The following PSPC1 variants were observed in gnomAD, a reference collection of about 807,000 sequenced individuals.
PSPC1 encodes the protein paraspeckle protein 1.
In PSPC1, 14 loss-of-function variants were observed where a neutral mutation model predicts 51.6. The ratio of observed to expected loss-of-function variants is 0.27; its 90% CI spans 0.18 to 0.42. The LOEUF is 0.42. PSPC1 is among the 10% of genes least tolerant of loss of function. PSPC1 has a pLI of 1.00. For synonymous variants in PSPC1, 193 were observed against 231.9 expected (o/e 0.83, Z 1.53); for missense variants, 406 against 701.1 (o/e 0.58, Z 4.75).
chr13:19,735,891 T>C (rs918333474), intron 5 of PSPC1, among the ~76,000 whole-genome samples: 3 of 150,904 alleles, frequency 2.0e-5, no homozygotes, highest in African/African-American at 7.4e-5. Context: ...GCGCCATCTC[T>C]GCTCACTGCA....
chr13:19,776,235 G>A (rs938690201), intron 1 of PSPC1, among the ~76,000 whole-genome samples: 4 of 152,048 alleles, frequency 2.6e-5, no homozygotes, highest in African/African-American at 9.7e-5. Flanking sequence ...CTGAGGAGGA[G>A]GGATCATGTA....
chr13:19,680,378 C>T (rs1414223769), intron 6 of PSPC1, among the ~76,000 whole-genome samples: 1 of 152,092 alleles, frequency 6.6e-6, no homozygotes, highest in Non-Finnish European at 1.5e-5. Context: ...TGAAAAATTA[C>T]TAGAGTTCTG....
At position 19,760,804 on chromosome 13, in the gene PSPC1, T is replaced by C. The variant is rs367571922; in HGVS notation, c.675-1386A>G. Reference sequence around the variant, plus strand: ...GAGTTTGAGACCAGCCTGACCAACATGGTGAAACCTCGTCTCTACTAAAAA... The same window carrying C: ...GAGTTTGAGACCAGCCTGACCAACACGGTGAAACCTCGTCTCTACTAAAAA... On this transcript the variant is annotated intron_variant, in intron 2 of 8. Coordinates refer to ENST00000338910, the MANE Select transcript of PSPC1 (RefSeq NM_001354909.2). Among the ~76,000 whole-genome samples the C allele has an allele frequency of 4.0e-5, 6 of 150,978 alleles. No homozygotes were observed. The East Asian group carries it at 5.9e-4, about 15-fold the overall frequency.
chr13:19,741,738 A>T (rs1401367493), intron 4 of PSPC1, 89 bp from the exon 5 acceptor site: 1 of 707,072 alleles, frequency 1.4e-6, no homozygotes, highest in Non-Finnish European at 2.4e-6. Context: ...ATCACTGGCA[A>T]TATATTGGTA....
intron 2 of PSPC1, among the ~76,000 whole-genome samples, chr13:19,764,439 C>T (rs140744239): frequency 5.9e-5 from 9 of 151,970 alleles, no homozygotes; most frequent in Admixed American, 1.3e-4. Context: ...ACATCAACTA[C>T]GTATTTGTGA....
chr13:19,693,275 C>T (rs1878782672), intron 6 of PSPC1, among the ~76,000 whole-genome samples: 2 of 152,156 alleles, frequency 1.3e-5, no homozygotes, highest in South Asian at 4.1e-4. Flanking sequence ...TCCCAGTCTC[C>T]GCAAAGTAAA....
At chr13:19,773,407 G>A (rs962553825) in intron 1 of PSPC1, among the ~76,000 whole-genome samples, 4 of 151,404 alleles carry the variant, frequency 2.6e-5, no homozygotes, top group South Asian at 2.1e-4. Flanking sequence ...CCGCTACCAC[G>A]CCCAGCTAAT....
intron 6 of PSPC1, among the ~76,000 whole-genome samples, chr13:19,720,400 A>T (rs937757055): frequency 1.3e-5 from 2 of 152,238 alleles, no homozygotes; most frequent in African/African-American, 4.8e-5. Flanking sequence ...GAAAAGAGGA[A>T]AACAAGGCAT....
chr13:19,730,413 G>C, intron 5 of PSPC1, 69 bp from the exon 6 acceptor site: 1 of 1,378,862 alleles, frequency 7.3e-7, no homozygotes, highest in Non-Finnish European at 1.0e-6. Flanking sequence ...TTTACTTCAT[G>C]TAAAATGAAA....
chr13:19,729,008 T>C (rs1192815867), intron 6 of PSPC1, among the ~76,000 whole-genome samples: 1 of 152,168 alleles, frequency 6.6e-6, no homozygotes, highest in Non-Finnish European at 1.5e-5. Context: ...TATTCTTCTT[T>C]CTTTTGCAAT....
intron 7 of PSPC1, among the ~76,000 whole-genome samples, chr13:19,708,616 C>T (rs1881003924): frequency 6.6e-6 from 1 of 152,138 alleles, no homozygotes; most frequent in African/African-American, 2.4e-5. Context: ...TTCTTAAAAG[C>T]TTAGTCAACT....
intron 6 of PSPC1, among the ~76,000 whole-genome samples, chr13:19,688,638 C>T (rs1878205872): frequency 6.6e-6 from 1 of 152,198 alleles, no homozygotes; most frequent in South Asian, 2.1e-4. Context: ...CTACCCCACG[C>T]TGGCTGCGTT....
intron 5 of PSPC1, 25 bp downstream of exon 5, chr13:19,741,540 G>A (rs1263698898): frequency 6.8e-7 from 1 of 1,476,776 alleles, no homozygotes; most frequent in Admixed American, 1.9e-5. Context: ...TACAATTCAT[G>A]TTTCTTAAAA....
At chr13:19,744,096 G>A (rs188321167) in intron 4 of PSPC1, among the ~76,000 whole-genome samples, 16 of 152,066 alleles carry the variant, frequency 1.1e-4, no homozygotes, top group African/African-American at 1.9e-4. Context: ...CAACAAGAGC[G>A]AAACTCCATC....
intron 1 of PSPC1, among the ~76,000 whole-genome samples, chr13:19,776,391 C>A (rs1930812): frequency 0.91 from 138,594 of 152,124 alleles, 64,462 homozygotes; most frequent in Non-Finnish European, 1. Flanking sequence ...ACTTCAGCCC[C>A]GGAAGTGGAG....
At chr13:19,725,957 C>T (rs1883318359) in intron 6 of PSPC1, among the ~76,000 whole-genome samples, 1 of 151,974 alleles carries the variant, frequency 6.6e-6, no homozygotes, top group South Asian at 2.1e-4. Flanking sequence ...GAGGTCAAGA[C>T]CAGCCTGGGT....
At chr13:19,681,078 G>A (rs981424174) in intron 6 of PSPC1, among the ~76,000 whole-genome samples, 7 of 152,052 alleles carry the variant, frequency 4.6e-5, no homozygotes, top group Admixed American at 1.3e-4. Context: ...AGCTGAGTGC[G>A]GTGGCACACA....
intron 6 of PSPC1, among the ~76,000 whole-genome samples, chr13:19,686,149 T>C (rs749762458): frequency 8.5e-5 from 13 of 152,208 alleles, no homozygotes; most frequent in Non-Finnish European, 1.3e-4. Flanking sequence ...AGCTACATCC[T>C]ATCATGACCT....
At chr13:19,671,466 A>AATGCGGC (rs201292132), downstream of PSPC1, among the ~76,000 whole-genome samples, 1,296 of 152,288 alleles carry the variant, frequency 8.5e-3, 18 homozygotes, top group African/African-American at 0.029. Context: ...TAGACATAAT[A>AATGCGGC]ATGCGGCAGG....
Sources: allele counts gnomAD v4.1 joint callset (sites outside exome capture counted in the v4.1 genomes callset), GRCh38; gene constraint gnomAD v4.1.1; transcripts MANE v1.5; gene names NCBI Gene and HGNC (gene_info 2026-07-23, HGNC 2026-07-21).